The following PBXIP1 variants were observed in gnomAD, a reference collection of about 807,000 sequenced individuals.
PBXIP1 encodes the protein pre-B-cell leukemia transcription factor-interacting protein 1.
Under a neutral mutation model 73.7 loss-of-function variants are expected in PBXIP1, and 73 were observed. The observed-to-expected ratio is 0.99, with a 90% CI of 0.82 to 1.20. The LOEUF (loss-of-function observed/expected upper bound fraction) is 1.20. Ranked by LOEUF, PBXIP1 falls within the 50% of genes most tolerant of loss-of-function variation. PBXIP1 has a pLI of 0.00. For missense variants in PBXIP1, 818 were observed against 911.4 expected (o/e 0.90, Z 1.32); for synonymous variants, 330 against 366.9 (o/e 0.90, Z 1.15).
rs1029181639 is a variant in PBXIP1 at position 154,944,488 on chromosome 1, G to A, written c.*536C>T. ...GGATCTGAGTCTACAGTTCACATAG[G>A]GAGGTGAAGCCGTGGGAGAAGCAGG... On this transcript the variant is annotated 3_prime_UTR_variant, in exon 11 of 11. Coordinates refer to ENST00000368463, the MANE Select transcript of PBXIP1 (RefSeq NM_020524.4). 6.5e-6 allele frequency: 1 copy of A among 153,190 alleles called. No homozygotes were observed. The highest frequency in any genetic ancestry group is 2.4e-5 in the African/African-American group (1 of 40,890). 9.5% of individuals were successfully genotyped at this position (153,190 alleles called of 1,614,324 possible). A position where few individuals can be genotyped will look rare whatever the true frequency, so the allele number is the denominator to read the frequency against.
Position 154,948,115 on chromosome 1 carries a change from C to T in PBXIP1, c.643+18G>A, listed in dbSNP as rs1197031099. 6.4e-7 allele frequency: 1 copy of T among 1,572,698 alleles called. No homozygotes were observed. The highest frequency in any genetic ancestry group is 8.6e-7 in the Non-Finnish European group (1 of 1,157,154). On this transcript the variant is annotated intron_variant, in intron 6 of 10. Coordinates refer to ENST00000368463, the MANE Select transcript of PBXIP1 (RefSeq NM_020524.4). ...AGGCATGGAAGCCCAAAGCCCCAGC[C>T]TCAGAGGTACCACTCACCTGAGAAG...
At position 154,946,363 on chromosome 1, in the gene PBXIP1, G is replaced by A. The variant is rs763216826; in HGVS notation, c.1311C>T (p.Ala437=). The A allele has an allele frequency of 6.2e-7, 1 of 1,613,530 alleles. No homozygotes were observed. Among genetic ancestry groups the A allele is most frequent in the South Asian group, 1.1e-5 (1 of 91,088 alleles). The change falls in exon 10 of 11, where the codon GCC becomes GCT. Residue 437 remains alanine (A), a synonymous_variant. Transcript: ENST00000368463. ...AGLAELGHRL[A]QKLQGLENWG... is the part of the protein sequence containing the mutation. ...AGTTCTCCAGGCCCTGCAGTTTCTG[G>A]GCCAATCTGTGGCCCAGCTCAGCCA...
chr1:154,947,468 G>T lies in PBXIP1; in HGVS notation c.819C>A (p.Asp273Glu), dbSNP rs773438353. 1.2e-6 allele frequency: 2 copies of T among 1,613,998 alleles called. No homozygotes were observed. The highest frequency in any genetic ancestry group is 8.5e-7 in the Non-Finnish European group (1 of 1,179,936). ...PSLQNMGLLLDKLAKENQDIR... is the reference protein window; with the variant it reads ...PSLQNMGLLLEKLAKENQDIR... Reference sequence around the variant, plus strand: ...TGTCCTGGTTCTCCTTGGCCAGCTTGTCCAGCAGAAGACCCATGTTTTGCA... The same window carrying T: ...TGTCCTGGTTCTCCTTGGCCAGCTTTTCCAGCAGAAGACCCATGTTTTGCA... The change falls in exon 9 of 11, where the codon GAC (aspartate) becomes GAA (glutamate). Residue 273 changes from aspartate (D) to glutamate (E), a missense_variant. Asp to Glu is a conservative substitution (Grantham distance 45). Transcript: ENST00000368463.
intron 5 of PBXIP1, among the ~76,000 whole-genome samples, chr1:154,949,689 CCAAT>C (rs1188747596): frequency 4.5e-4 from 68 of 152,242 alleles, no homozygotes; most frequent in African/African-American, 1.5e-3. Flanking sequence ...GCAGACCACA[CCAAT>C]CAATCACAGG....
rs1654832187 is a variant in PBXIP1 at position 154,946,595 on chromosome 1, G to C, written c.1079C>G (p.Pro360Arg). Residue 360 changes from proline to arginine, a missense_variant, in exon 10 of 11, where the codon CCA becomes CGA. Pro to Arg is a moderately radical substitution (Grantham distance 103). Coordinates refer to ENST00000368463, the MANE Select transcript of PBXIP1 (RefSeq NM_020524.4). ...CTCCCTGATGGCCTTGTCACCCTGT[G>C]GGCCTCTACCCCCACTGAGGCACAC... ...DGVCLSGGRG[P>R]QGDKAIREQG... 2.5e-6 allele frequency: 4 copies of C among 1,613,010 alleles called. No individual in the cohort carries two copies. The highest frequency in any genetic ancestry group is 1.7e-6 in the Non-Finnish European group (2 of 1,179,796).
chr1:154,948,718 T>G (rs1463820783), intron 5 of PBXIP1, among the ~76,000 whole-genome samples: 1 of 152,186 alleles, frequency 6.6e-6, no homozygotes, highest in African/African-American at 2.4e-5. Flanking sequence ...TCTCCCTCCC[T>G]GGCTCTTCCC....
intron 9 of PBXIP1, 135 bp downstream of exon 9, chr1:154,947,282 G>A (rs558043195): frequency 8.4e-6 from 9 of 1,067,716 alleles, no homozygotes; most frequent in African/African-American, 1.6e-5. Context: ...CTGGGAAGAC[G>A]CCCTGACTAT....
At chr1:154,947,123 T>G in intron 9 of PBXIP1, 1 of 597,922 alleles carries the variant, frequency 1.7e-6, no homozygotes, top group South Asian at 2.1e-5. Flanking sequence ...TCATGGCACC[T>G]GGCATGTTCT....
chr1:154,951,994 C>A lies in PBXIP1; in HGVS notation c.52-73G>T. 1 of 1,521,204 alleles carries A rather than the reference C, an allele frequency of 6.6e-7. No homozygotes were observed. 94.2% of individuals were successfully genotyped at this position (1,521,204 alleles called of 1,614,324 possible). On this transcript the variant is annotated intron_variant, in intron 2 of 10. Transcript: ENST00000368463. This position sits in a 1 kb window ranked among gnomAD's most constrained non-coding sequence, Gnocchi z 4.3. ...CCAGCCCACATCCCAGAAACACACA[C>A]ATTCAGTCATGAGCTGGCCCAAAAA... is the stretch of plus-strand genomic sequence containing the variant.
intron 5 of PBXIP1, 65 bp from the exon 6 acceptor site, chr1:154,948,431 G>T (rs1654907241): frequency 8.2e-7 from 1 of 1,215,678 alleles, no homozygotes; most frequent in Non-Finnish European, 1.1e-6. Flanking sequence ...CAGGGAGAGA[G>T]GGGAATCAGA....
intron 1 of PBXIP1, chr1:154,954,894 A>G (rs1006850375): frequency 5.2e-5 from 42 of 809,546 alleles, no homozygotes; most frequent in Non-Finnish European, 6.0e-5. Flanking sequence ...CTGCTTCCCG[A>G]GCACTTTATA....
rs1250962507 is a variant in PBXIP1, at chr1:154,944,855, C to G, written c.*169G>C. Reference sequence around the variant, plus strand: ...ACGGCAACGCAGGTCCAGCTAAGGCCTTTTTCTACATAAAGTGACATCAGT... The same window carrying G: ...ACGGCAACGCAGGTCCAGCTAAGGCGTTTTTCTACATAAAGTGACATCAGT... On this transcript the variant is annotated 3_prime_UTR_variant, in exon 11 of 11. Transcript: ENST00000368463. The G allele has an allele frequency of 2.9e-5, 17 of 585,084 alleles. No homozygotes were observed. Among genetic ancestry groups the G allele is most frequent in the Non-Finnish European group, 4.9e-5 (16 of 327,472 alleles). 36.2% of individuals were successfully genotyped at this position (585,084 alleles called of 1,614,324 possible).
Position 154,944,962 on chromosome 1 carries a change from G to A in PBXIP1, c.*62C>T, listed in dbSNP as rs1395793932. ...CCAGGACAGAGTCCACCCTCCAGGA[G>A]TTAGATAACGCTGGGATCTTGGGCT... is the stretch of plus-strand genomic sequence containing the variant. On this transcript the variant is annotated 3_prime_UTR_variant, in exon 11 of 11. Transcript: ENST00000368463. 3 of 1,351,340 alleles carry A rather than the reference G, an allele frequency of 2.2e-6. No individual in the cohort carries two copies. Among genetic ancestry groups the A allele is most frequent in the African/African-American group, 1.4e-5 (1 of 69,876 alleles). The allele number at this position is 1,351,340 out of a possible 1,614,324, so 83.7% of individuals were successfully genotyped here. A position where few individuals can be genotyped will look rare whatever the true frequency, so the allele number is the denominator to read the frequency against.
chr1:154,954,964 C>T, intron 1 of PBXIP1: 1 of 984,852 alleles, frequency 1.0e-6, no homozygotes, highest in Non-Finnish European at 1.2e-6. Context: ...CCTTTGAAAC[C>T]AACCACATTA....
rs771854251 is a variant in PBXIP1 at position 154,946,573 on chromosome 1, C to T, written c.1101G>A (p.Arg367=). ...GCTCCTGCTCCCTGGGGCCTTGCTCCCTGATGGCCTTGTCACCCTGTGGGC... is the reference window on the plus strand; with the variant it reads ...GCTCCTGCTCCCTGGGGCCTTGCTCTCTGATGGCCTTGTCACCCTGTGGGC... ...GRGPQGDKAI[R]EQGPREQEPE... is the part of the protein sequence containing the mutation. Residue 367 remains arginine, a synonymous_variant, in exon 10 of 11, where the codon AGG becomes AGA. Coordinates refer to ENST00000368463, the MANE Select transcript of PBXIP1 (RefSeq NM_020524.4). 6.2e-7 allele frequency: 1 copy of T among 1,612,852 alleles called. No homozygotes were observed. Among genetic ancestry groups the T allele is most frequent in the African/African-American group, 1.3e-5 (1 of 74,956 alleles).
In PBXIP1 at chr1:154,944,809, TATTTGCATGC is replaced by T. The variant is rs1443294992; in HGVS notation, c.*205_*214del. ...CAAGCCCACATCCCAGGGCCTGGAG[TATTTGCATGC>T]ATTTGCATAGACGGCAACGCAGGTC... On this transcript the variant is annotated 3_prime_UTR_variant, in exon 11 of 11. Transcript: ENST00000368463. 2 of 523,642 alleles carry T rather than the reference TATTTGCATGC, an allele frequency of 3.8e-6. No homozygotes were observed. The highest frequency in any genetic ancestry group is 3.9e-5 in the African/African-American group (2 of 51,730). 32.4% of individuals were successfully genotyped at this position (523,642 alleles called of 1,614,324 possible).
rs763008319 is a variant in PBXIP1, at chr1:154,951,476, C to G, written c.238G>C (p.Val80Leu). Residue 80 changes from valine (V) to leucine (L), a missense_variant, in exon 4 of 11, where the codon GTC becomes CTC. Coordinates refer to ENST00000368463, the MANE Select transcript of PBXIP1 (RefSeq NM_020524.4). This position sits in a 1 kb window ranked among gnomAD's most constrained non-coding sequence, Gnocchi z 4.3. ...CCCACAGCAAATCTCCTCACCTTGA[C>G]CTCAGTCTCCTCTGTTAGAATGCTG... ...SGSILTEETE[V>L]KGTLEGDVCG... The G allele has an allele frequency of 1.2e-6, 2 of 1,614,000 alleles. No homozygotes were observed. Among genetic ancestry groups the G allele is most frequent in the African/African-American group, 1.3e-5 (1 of 74,910 alleles).
chr1:154,947,220 C>G (rs1015050175), intron 9 of PBXIP1, 197 bp downstream of exon 9: 1 of 639,652 alleles, frequency 1.6e-6, no homozygotes, highest in Non-Finnish European at 2.8e-6. Flanking sequence ...CCATGTGGAA[C>G]AGGTATGCCA....
Position 154,946,679 on chromosome 1 carries a change from T to A in PBXIP1, c.995A>T (p.Gln332Leu). 6.2e-7 allele frequency: 1 copy of A among 1,613,020 alleles called. No individual in the cohort carries two copies. Among genetic ancestry groups the A allele is most frequent in the Non-Finnish European group, 8.5e-7 (1 of 1,179,288 alleles). ...AFQRALESEL[Q>L]QLRARLQGLE... ...CCCCTGGAGCCGGGCCCGCAGCTGC[T>A]GCAGCTCTGACTCCAGAGCCCGCTG... The change falls in exon 10 of 11, where the codon CAG becomes CTG. Residue 332 changes from glutamine to leucine, a missense_variant. Coordinates refer to ENST00000368463, the MANE Select transcript of PBXIP1 (RefSeq NM_020524.4).
Sources: allele counts gnomAD v4.1 joint callset (sites outside exome capture counted in the v4.1 genomes callset), GRCh38; gene constraint gnomAD v4.1.1; non-coding constraint Gnocchi (gnomAD v3.1); transcripts MANE v1.5; gene names NCBI Gene and HGNC (gene_info 2026-07-23, HGNC 2026-07-21).